PDSS2: variants seen among roughly 807,000 people sequenced by gnomAD.
PDSS2 encodes all trans-polyprenyl-diphosphate synthase PDSS2.
PDSS2 carries 31 observed loss-of-function variants against 44.5 expected under a neutral mutation model. That is an observed-to-expected ratio of 0.70 (90% CI 0.52 to 0.94). The LOEUF (loss-of-function observed/expected upper bound fraction) is 0.94. PDSS2 is among the 40% of genes least tolerant of loss of function. The pLI is 0.00. For missense variants in PDSS2, 452 were observed against 482.2 expected, an observed-to-expected ratio of 0.94 and a Z score of 0.59; for synonymous variants, 157 against 180.3, an observed-to-expected ratio of 0.87 and a Z score of 1.03.
intron 1 of PDSS2, among the ~76,000 whole-genome samples, chr6:107,433,450 C>G (rs1311855424): frequency 6.6e-6 from 1 of 152,062 alleles, no homozygotes; most frequent in African/African-American, 2.4e-5. Context: ...ATAGAGAACC[C>G]AGAAATAAAT....
chr6:107,239,866 TC>T (rs1774360018), intron 4 of PDSS2, among the ~76,000 whole-genome samples: 1 of 152,036 alleles, frequency 6.6e-6, no homozygotes, highest in East Asian at 1.9e-4. Context: ...GGTCTCGAAC[TC>T]CTAACCTCAA....
chr6:107,381,432 T>C (rs2114465593), intron 1 of PDSS2, among the ~76,000 whole-genome samples: 1 of 152,358 alleles, frequency 6.6e-6, no homozygotes, highest in Admixed American at 6.5e-5. Flanking sequence ...GAGATTTTTT[T>C]TAAACCTCAT....
intron 4 of PDSS2, 103 bp downstream of exon 4, chr6:107,245,445 A>G (rs1774578189): frequency 3.2e-6 from 1 of 314,478 alleles, no homozygotes; most frequent in Non-Finnish European, 6.0e-6. Context: ...AAAAAAAAAA[A>G]GCCATGTACA....
At chr6:107,369,935 T>A (rs1297369371) in intron 1 of PDSS2, among the ~76,000 whole-genome samples, 1 of 151,242 alleles carries the variant, frequency 6.6e-6, no homozygotes, top group Admixed American at 6.6e-5. Context: ...GCCCAGGAGG[T>A]CAGGGCTGCA....
chr6:107,274,222 C>T lies in PDSS2; in HGVS notation c.437G>A (p.Arg146Lys). 1 of 1,610,722 alleles carries T rather than the reference C, an allele frequency of 6.2e-7. No individual in the cohort carries two copies. The highest frequency in any genetic ancestry group is 8.5e-7 in the Non-Finnish European group (1 of 1,176,854). ...DMVSGIYSCQ[R>K]SLAEITELIH... ...TAGCTCCGTGATCTCTGCCAAACTT[C>T]TTTGACTAAAACATAAAGGTAAGAT... Residue 146 changes from arginine (R) to lysine (K), a missense_variant, in exon 3 of 8, where the codon AGA becomes AAA. Arg to Lys is a conservative substitution (Grantham distance 26, BLOSUM62 2). Transcript: ENST00000369037.
At chr6:107,218,261 G>A (rs1034261819) in intron 4 of PDSS2, among the ~76,000 whole-genome samples, 19 of 152,052 alleles carry the variant, frequency 1.2e-4, no homozygotes, top group Admixed American at 1.2e-3. Flanking sequence ...CAACTGCCAG[G>A]GTGACCTTTA....
At chr6:107,274,374 G>GTCTTT (rs1775705189) in intron 2 of PDSS2, 147 bp from the exon 3 acceptor site, 12 of 696,840 alleles carry the variant, frequency 1.7e-5, no homozygotes, top group African/African-American at 8.9e-5. Flanking sequence ...TCTTTAAATA[G>GTCTTT]AGGTCTCTCT....
chr6:107,281,243 T>A (rs1426688997), intron 2 of PDSS2, among the ~76,000 whole-genome samples: 1 of 152,090 alleles, frequency 6.6e-6, no homozygotes, highest in Non-Finnish European at 1.5e-5. Context: ...TTAACCCTCT[T>A]TAAGCCTGGT....
At chr6:107,190,900 G>T (rs1449516113) in intron 7 of PDSS2, among the ~76,000 whole-genome samples, 5 of 151,068 alleles carry the variant, frequency 3.3e-5, no homozygotes, top group Non-Finnish European at 1.5e-5. Flanking sequence ...CAATGAAGGG[G>T]TTTTTTTTTG....
intron 1 of PDSS2, among the ~76,000 whole-genome samples, chr6:107,455,355 G>C (rs1291540570): frequency 6.6e-6 from 1 of 151,226 alleles, no homozygotes; most frequent in Non-Finnish European, 1.5e-5. Flanking sequence ...TTTCACTTCT[G>C]TGCTTTATGA....
intron 1 of PDSS2, among the ~76,000 whole-genome samples, chr6:107,443,013 T>C (rs991704695): frequency 6.6e-6 from 1 of 152,238 alleles, no homozygotes; most frequent in African/African-American, 2.4e-5. Flanking sequence ...ACTTTGTGTT[T>C]TACATGTCTA....
chr6:107,265,903 G>A (rs1201616713), intron 3 of PDSS2, among the ~76,000 whole-genome samples: 2 of 152,172 alleles, frequency 1.3e-5, no homozygotes, highest in African/African-American at 4.8e-5. Flanking sequence ...TCGTGCCACT[G>A]CACTCCAGCC....
chr6:107,234,228 C>T (rs571781792), intron 4 of PDSS2, among the ~76,000 whole-genome samples: 7 of 151,108 alleles, frequency 4.6e-5, no homozygotes, highest in South Asian at 4.2e-4. Context: ...TTCTTTGAGA[C>T]GGAGTCTCAC....
intron 3 of PDSS2, 107 bp downstream of exon 3, chr6:107,273,922 T>C (rs1425674985): frequency 1.2e-6 from 1 of 806,466 alleles, no homozygotes; most frequent in Non-Finnish European, 2.2e-6. Flanking sequence ...ACTGAGCATG[T>C]ACATGAGGGG....
intron 1 of PDSS2, among the ~76,000 whole-genome samples, chr6:107,417,737 G>A (rs1780704812): frequency 6.6e-6 from 1 of 151,540 alleles, no homozygotes; most frequent in Admixed American, 6.6e-5. Context: ...TCCAGCCTGG[G>A]CAAAAGAGTG....
intron 1 of PDSS2, among the ~76,000 whole-genome samples, chr6:107,452,752 C>T (rs776185086): frequency 5.9e-5 from 9 of 151,646 alleles, no homozygotes; most frequent in Admixed American, 2.0e-4. Context: ...CTGCAACCTC[C>T]GCCTCCCAAG....
chr6:107,387,354 T>G, intron 1 of PDSS2, among the ~76,000 whole-genome samples: 1 of 152,226 alleles, frequency 6.6e-6, no homozygotes, highest in East Asian at 1.9e-4. Flanking sequence ...AGTTTTCATT[T>G]AAACTTTCTC....
At chr6:107,268,095 A>G (rs1343114566) in intron 3 of PDSS2, among the ~76,000 whole-genome samples, 2 of 152,182 alleles carry the variant, frequency 1.3e-5, no homozygotes, top group African/African-American at 4.8e-5. Context: ...GTCTCCTAGT[A>G]TCTTTTATCT....
At position 107,443,617 on chromosome 6, in the gene PDSS2, GAT is replaced by G. The variant is rs559377554; in HGVS notation, c.296+15371_296+15372del. On this transcript the variant is annotated intron_variant, in intron 1 of 7. Coordinates refer to ENST00000369037, the MANE Select transcript of PDSS2 (RefSeq NM_020381.4). ...CAGATACTCTATCATGGCAGAAGCA[GAT>G]ATTTCTAGCCTATTTCTTTTGCCTC... Among the ~76,000 whole-genome samples, 15 of 152,320 alleles carry G rather than the reference GAT, an allele frequency of 9.8e-5. 1 individual carries two copies. Among genetic ancestry groups the G allele is most frequent in the African/African-American group, 3.4e-4 (14 of 41,578 alleles).
Sources: allele counts gnomAD v4.1 joint callset (sites outside exome capture counted in the v4.1 genomes callset), GRCh38; gene constraint gnomAD v4.1.1; transcripts MANE v1.5; gene names NCBI Gene and HGNC (gene_info 2026-07-23, HGNC 2026-07-21).